Variants in GSTA5 observed in about 807,000 individuals in gnomAD.
GSTA5 encodes the protein glutathione S-transferase A5.
Under a neutral mutation model 21.8 loss-of-function variants are expected in GSTA5, and 25 were observed. That is an observed-to-expected ratio of 1.14 (90% CI 0.83 to 1.60). GSTA5 has a LOEUF of 1.60. Ranked by LOEUF, GSTA5 falls within the 40% of genes most tolerant of loss-of-function variation. The pLI is 0.00. For missense variants in GSTA5, 330 were observed against 259.2 expected (o/e 1.27, Z -1.88); for synonymous variants, 102 against 89.5 (o/e 1.14, Z -0.78).
rs760470057 is a variant in GSTA5, at chr6:52,831,985, G to A, written c.547-15C>T. 5.6e-6 allele frequency: 9 copies of A among 1,608,736 alleles called. No homozygotes were observed. The highest frequency in any genetic ancestry group is 3.4e-5 in the Admixed American group (2 of 58,612). On this transcript the variant is annotated splice_polypyrimidine_tract_variant and intron_variant, in intron 5 of 5. Transcript: ENST00000370989. ...GTTTTCAGGGCCTGTAATCCACAAA[G>A]CACAGCCTCAGAGTGAAGCCAAGGC... is the stretch of plus-strand genomic sequence containing the variant.
chr6:52,843,942 G>T (rs893644813), upstream of GSTA5, among the ~76,000 whole-genome samples: 1 of 152,146 alleles, frequency 6.6e-6, no homozygotes, highest in Admixed American at 6.5e-5. Flanking sequence ...GTTTCCAAGG[G>T]TCAGGCTAAG....
chr6:52,836,289 G>A, exon 3 of GSTA5: 2 of 1,613,872 alleles, frequency 1.2e-6, no homozygotes, highest in Non-Finnish European at 1.7e-6. Flanking sequence ...TGGCAATGTA[G>A]TTAAGAATGG....
At chr6:52,833,115 C>T in intron 4 of GSTA5, 125 bp from the exon 5 acceptor site, 1 of 1,065,282 alleles carries the variant, frequency 9.4e-7, no homozygotes, top group East Asian at 2.4e-5. Context: ...GTGCAGAAAT[C>T]CCAAGCTTTC....
exon 1 of GSTA5, chr6:52,840,838 C>T (rs767086794): frequency 1.9e-6 from 3 of 1,589,658 alleles, no homozygotes; most frequent in South Asian, 1.1e-5. Flanking sequence ...GGAGGTTTCT[C>T]TAAGCCTGAA....
At chr6:52,836,051 T>C (rs1392000650) in intron 3 of GSTA5, among the ~76,000 whole-genome samples, 185 bp downstream of exon 3, 1 of 152,166 alleles carries the variant, frequency 6.6e-6, no homozygotes. Flanking sequence ...CACCCTTGCC[T>C]GAACCCTCCC....
At chr6:52,839,712 A>G (rs1764345754) in intron 1 of GSTA5, among the ~76,000 whole-genome samples, 1 of 152,178 alleles carries the variant, frequency 6.6e-6, no homozygotes, top group Non-Finnish European at 1.5e-5. Flanking sequence ...CAGTCGCTGA[A>G]GGACTCTGGT....
intron 1 of GSTA5, among the ~76,000 whole-genome samples, chr6:52,840,086 T>C (rs1039858300): frequency 1.3e-5 from 2 of 152,238 alleles, no homozygotes; most frequent in African/African-American, 2.4e-5. Context: ...CATTTATAGT[T>C]TGCATTTTAC....
At chr6:52,839,811 A>G (rs914472111) in intron 1 of GSTA5, among the ~76,000 whole-genome samples, 1 of 152,164 alleles carries the variant, frequency 6.6e-6, no homozygotes, top group Admixed American at 6.5e-5. Flanking sequence ...TTCCTACTCA[A>G]ACACTGGGAG....
At chr6:52,831,718 T>C in exon 6 of GSTA5, 1 of 1,076,988 alleles carries the variant, frequency 9.3e-7, no homozygotes, top group Non-Finnish European at 1.3e-6. Flanking sequence ...ATTTATTATT[T>C]AATTAGCATG....
chr6:52,841,735 A>C (rs1764379577), upstream of GSTA5, among the ~76,000 whole-genome samples: 1 of 152,246 alleles, frequency 6.6e-6, no homozygotes, highest in Admixed American at 6.5e-5. Context: ...AAAATCACCT[A>C]AGGTGAAAGG....
At chr6:52,832,981 T>A (rs531287903) in exon 5 of GSTA5, 2 of 1,614,070 alleles carry the variant, frequency 1.2e-6, no homozygotes, top group African/African-American at 2.7e-5. Context: ...TGTCTGTGGC[T>A]CTTTAAGACC....
At chr6:52,833,068 C>T (rs1764240540) in intron 4 of GSTA5, 78 bp from the exon 5 acceptor site, 3 of 1,555,046 alleles carry the variant, frequency 1.9e-6, no homozygotes, top group African/African-American at 2.7e-5. Flanking sequence ...AGCCTCTCCA[C>T]CCTGACTTTT....
intron 2 of GSTA5, 59 bp downstream of exon 2, chr6:52,837,499 C>G: frequency 1.8e-6 from 2 of 1,124,170 alleles, no homozygotes; most frequent in Non-Finnish European, 2.7e-6. Context: ...GGCTGCTCAA[C>G]GTTCCTCTGT....
intron 1 of GSTA5, among the ~76,000 whole-genome samples, chr6:52,838,720 G>T (rs1280299751): frequency 6.6e-6 from 1 of 152,166 alleles, no homozygotes; most frequent in African/African-American, 2.4e-5. Flanking sequence ...AGTTATCAAG[G>T]TTTTCTGGAT....
chr6:52,835,055 T>C (rs1367570949), intron 3 of GSTA5, among the ~76,000 whole-genome samples: 11 of 152,254 alleles, frequency 7.2e-5, no homozygotes, highest in Non-Finnish European at 1.5e-4. Flanking sequence ...ATTACACTAT[T>C]GAGTGGTTTT....
At chr6:52,846,184 C>G in the GSTA5 span, 7,542 of 168,398 alleles carry the variant, frequency 0.045, 343 homozygotes, top group East Asian at 0.16. Flanking sequence ...TTAGGGAAAA[C>G]CCACTCCCAC....
At chr6:52,844,525 AT>A (rs1764427912), upstream of GSTA5, among the ~76,000 whole-genome samples, 1 of 152,214 alleles carries the variant, frequency 6.6e-6, no homozygotes, top group Non-Finnish European at 1.5e-5. Flanking sequence ...AGCTATGGTA[AT>A]TCCAGGAGTA....
intron 5 of GSTA5, 148 bp downstream of exon 5, chr6:52,832,711 T>A: frequency 2.2e-6 from 3 of 1,333,428 alleles, no homozygotes; most frequent in Non-Finnish European, 3.1e-6. Context: ...TCTTCAAAAT[T>A]GGAGCCTGGA....
chr6:52,834,171 T>C, exon 4 of GSTA5: 1 of 1,614,202 alleles, frequency 6.2e-7, no homozygotes, highest in Non-Finnish European at 8.5e-7. Context: ...AGCGATTTTT[T>C]ATTTTCTCTT....
Sources: allele counts gnomAD v4.1 joint callset (sites outside exome capture counted in the v4.1 genomes callset), GRCh38; gene constraint gnomAD v4.1.1; transcripts MANE v1.5; gene names NCBI Gene and HGNC (gene_info 2026-07-23, HGNC 2026-07-21).